The following DNAH17 variants were observed in gnomAD, a reference collection of about 807,000 sequenced individuals.
The protein encoded by DNAH17 is dynein axonemal heavy chain 17.
DNAH17 carries 376 observed loss-of-function variants against 485.6 expected under a neutral mutation model. The ratio of observed to expected loss-of-function variants is 0.77; its 90% confidence interval spans 0.71 to 0.84. DNAH17 has a LOEUF of 0.84. Among genes scored for constraint, DNAH17 ranks in the 40% least tolerant of loss-of-function variants. The pLI is 0.00. For missense variants in DNAH17, 6,370 were observed against 5,839.3 expected (o/e 1.09, Z -2.96); for synonymous variants, 3,031 against 2,405.9 (o/e 1.26, Z -7.60).
In DNAH17 at chr17:78,530,420, G is replaced by A; in HGVS notation, c.3207C>T (p.Phe1069=). 1 of 1,613,744 alleles carries A rather than the reference G, an allele frequency of 6.2e-7. No homozygotes were observed. Residue 1069 remains phenylalanine, a synonymous_variant, in exon 21 of 81, where the codon TTC becomes TTT. Transcript: ENST00000389840. ...GGATTGTGCTGAGCAGGGCCTGCTT[G>A]AAGGGGCGGCAGTCGCACTGCAGCC... The part of the protein sequence containing the change: ...HGWLQCDCRP[F]KQALLSTIRR...
At chr17:78,497,085 C>G (rs2090101731) in intron 37 of DNAH17, 1 of 152,248 alleles carries the variant, frequency 6.6e-6, no homozygotes, top group Non-Finnish European at 1.5e-5. Flanking sequence ...CCACTCCCAG[C>G]CCTTTTCTGT....
At chr17:78,519,165 C>G (rs2090869386) in intron 25 of DNAH17, among the ~76,000 whole-genome samples, 1 of 49,434 alleles carries the variant, frequency 2.0e-5, no homozygotes, top group Non-Finnish European at 3.3e-5. Flanking sequence ...GAGACTCCGT[C>G]TCAAAAAAAA....
chr17:78,501,134 G>A (rs372293119), intron 35 of DNAH17, 50 bp downstream of exon 35: 118 of 1,515,310 alleles, frequency 7.8e-5, no homozygotes, highest in African/African-American at 1.4e-4. Context: ...AGAATCATGC[G>A]GAAGGGACCC....
intron 31 of DNAH17, 86 bp downstream of exon 31, chr17:78,505,207 C>T (rs1172365947): frequency 3.6e-5 from 56 of 1,552,184 alleles, no homozygotes; most frequent in South Asian, 1.4e-4. Context: ...GCTGGTTCTC[C>T]GGACATCGCC....
chr17:78,501,686 C>G (rs982675648), intron 34 of DNAH17, 56 bp downstream of exon 34: 9 of 1,593,952 alleles, frequency 5.6e-6, no homozygotes, highest in Non-Finnish European at 7.7e-6. Context: ...ATGCACTGCC[C>G]TGAACCCGGT....
In DNAH17 at chr17:78,480,788, T is replaced by G. The variant is rs2146622016; in HGVS notation, c.7650-2A>C. 1 of 1,609,444 alleles carries G rather than the reference T, an allele frequency of 6.2e-7. No individual in the cohort carries two copies. Among genetic ancestry groups the G allele is most frequent in the South Asian group, 1.1e-5 (1 of 90,498 alleles). On this transcript the variant is annotated splice_acceptor_variant, in intron 48 of 80. Coordinates refer to ENST00000389840, the MANE Select transcript of DNAH17 (RefSeq NM_173628.4). LOFTEE classifies it high-confidence loss of function. ...AACGTCAGCTTATGTCTGTCATACC[T>G]GAGGGGGGAAACCAGCATTCATGTT...
intron 50 of DNAH17, 45 bp downstream of exon 50, chr17:78,479,440 C>G (rs753575609): frequency 1.9e-6 from 3 of 1,561,906 alleles, no homozygotes; most frequent in East Asian, 4.5e-5. Flanking sequence ...CCCACAGAGC[C>G]ATAGGTTTTA....
rs371308095 is a variant in DNAH17, at chr17:78,552,758, T to G, written c.2226A>C (p.Glu742Asp). Residue 742 changes from glutamate to aspartate, a missense_variant, in exon 15 of 81, where the codon GAA becomes GAC. By Grantham distance (45) the Glu-to-Asp change is conservative. Coordinates refer to ENST00000389840, the MANE Select transcript of DNAH17 (RefSeq NM_173628.4). ...ATAACTTGACATCAATTGCTTCCAG[T>G]TCTGACTTTATTAGTAGAAATTCTA... ...KAVEFLLIKS[E>D]LEAIDVKLLS... The G allele has an allele frequency of 1.2e-4, 191 of 1,613,860 alleles. No homozygotes were observed. The highest frequency in any genetic ancestry group is 1.5e-4 in the Non-Finnish European group (175 of 1,179,840).
intron 26 of DNAH17, among the ~76,000 whole-genome samples, chr17:78,511,307 C>A (rs2090630468): frequency 6.6e-6 from 1 of 152,112 alleles, no homozygotes; most frequent in Admixed American, 6.6e-5. Flanking sequence ...GGGGTTTCAC[C>A]AAGTCAGACA....
Position 78,528,407 on chromosome 17 carries a change from ACC to A in DNAH17, c.3507+1063_3507+1064del, listed in dbSNP as rs1269678792. Among the ~76,000 whole-genome samples the A allele has an allele frequency of 1.4e-4, 22 of 152,258 alleles. No individual in the cohort carries two copies. In the East Asian group the frequency reaches 4.2e-3, roughly 29 times the overall value. On this transcript the variant is annotated intron_variant, in intron 22 of 80. Transcript: ENST00000389840. ...GCAGCTGGGACTACAGGTGTGCGCC[ACC>A]ATGCCTGGCTAATTTTTTAAATTTT...
chr17:78,432,910 C>CT (rs908649933), intron 75 of DNAH17, among the ~76,000 whole-genome samples: 5 of 123,976 alleles, frequency 4.0e-5, no homozygotes, highest in Admixed American at 7.5e-5. Flanking sequence ...GTGCCCCCCC[C>CT]CCCCGACCCC....
chr17:78,552,882 C>A, intron 14 of DNAH17, 77 bp from the exon 15 acceptor site: 1 of 952,880 alleles, frequency 1.0e-6, no homozygotes, highest in Non-Finnish European at 1.7e-6. Context: ...ACCTTTTATT[C>A]CTCAACACCA....
At chr17:78,511,190 C>T (rs1042686016) in intron 26 of DNAH17, among the ~76,000 whole-genome samples, 1 of 152,234 alleles carries the variant, frequency 6.6e-6, no homozygotes, top group Non-Finnish European at 1.5e-5. Flanking sequence ...TCACTGGAAC[C>T]TCCACCTCCC....
intron 75 of DNAH17, among the ~76,000 whole-genome samples, chr17:78,430,427 A>G (rs2086633267): frequency 6.6e-6 from 1 of 152,196 alleles, no homozygotes; most frequent in Non-Finnish European, 1.5e-5. Context: ...CAGCTCCTGA[A>G]GGGCGAGGCA....
At chr17:78,512,940 C>CAAAAAAAA (rs57734613) in intron 26 of DNAH17, among the ~76,000 whole-genome samples, 11 of 83,304 alleles carry the variant, frequency 1.3e-4, no homozygotes, top group Non-Finnish European at 2.0e-4. Flanking sequence ...GACTCTAACT[C>CAAAAAAAA]AAAAAAAAAA....
Position 78,526,843 on chromosome 17 carries a change from C to G in DNAH17, c.3624+37G>C, listed in dbSNP as rs369123693. ...GGCCCTGGGTGAGCCCCACGCTGCTCCCCGGAAATCCCGCCACCCTGCCCC... is the reference window on the plus strand; with the variant it reads ...GGCCCTGGGTGAGCCCCACGCTGCTGCCCGGAAATCCCGCCACCCTGCCCC... On this transcript the variant is annotated intron_variant, in intron 23 of 80. Coordinates refer to ENST00000389840, the MANE Select transcript of DNAH17 (RefSeq NM_173628.4). 41 of 1,555,332 alleles carry G rather than the reference C, an allele frequency of 2.6e-5. 1 individual carries two copies. The African/African-American group carries it at 4.1e-4, about 15-fold the overall frequency.
At chr17:78,539,931 C>T (rs1388365980) in intron 17 of DNAH17, 51 bp from the exon 18 acceptor site, 2 of 1,508,790 alleles carry the variant, frequency 1.3e-6, no homozygotes, top group Non-Finnish European at 1.8e-6. Context: ...TGTGCTTGCT[C>T]TTTGATCACA....
At chr17:78,500,506 C>T in intron 35 of DNAH17, 45 bp from the exon 36 acceptor site, 1 of 1,504,308 alleles carries the variant, frequency 6.6e-7, no homozygotes, top group East Asian at 2.4e-5. Flanking sequence ...GACCCCATGG[C>T]CTCCCTGCTT....
In DNAH17 at chr17:78,480,711, T is replaced by C; in HGVS notation, c.7725A>G (p.Gly2575=). ...QYVACMNPTS[G]SFTIDSRLQR... The stretch of plus-strand genomic sequence containing the variant: ...GAAGCCTGGAGTCGATGGTGAAGGA[T>C]CCGGAAGTGGGGTTCATGCAGGCCA... Residue 2575 remains glycine (G), a synonymous_variant, in exon 49 of 81, where the codon GGA becomes GGG. Transcript: ENST00000389840. The C allele has an allele frequency of 1.2e-6, 2 of 1,613,778 alleles. No homozygotes were observed. Among genetic ancestry groups the C allele is most frequent in the South Asian group, 1.1e-5 (1 of 91,034 alleles).
Sources: allele counts gnomAD v4.1 joint callset (sites outside exome capture counted in the v4.1 genomes callset), GRCh38; gene constraint gnomAD v4.1.1; transcripts MANE v1.5; gene names NCBI Gene and HGNC (gene_info 2026-07-23, HGNC 2026-07-21).